The following FANCA variants were observed in gnomAD, a reference collection of about 807,000 sequenced individuals.
FANCA encodes the protein FA complementation group A.
A neutral mutation model predicts 194.3 loss-of-function variants in FANCA; 236 were observed. The observed-to-expected ratio is 1.21, with a 90% CI of 1.09 to 1.35. The LOEUF (loss-of-function observed/expected upper bound fraction) is 1.35. FANCA is among the 40% of genes most tolerant of loss of function. FANCA has a pLI of 0.00. For missense variants in FANCA, 2,628 were observed against 1,813.9 expected (o/e 1.45, Z -8.15); for synonymous variants, 1,014 against 715.8 (o/e 1.42, Z -6.65).
At chr16:89,785,973 C>T (rs964632453) in intron 14 of FANCA, among the ~76,000 whole-genome samples, 1 of 148,672 alleles carries the variant, frequency 6.7e-6, no homozygotes. Flanking sequence ...CTCCTGCCTC[C>T]CTAGTAGCTG....
At chr16:89,775,274 T>C (rs983553182) in intron 21 of FANCA, among the ~76,000 whole-genome samples, 2 of 152,114 alleles carry the variant, frequency 1.3e-5, no homozygotes, top group African/African-American at 4.8e-5. Context: ...AATGAGGGCG[T>C]AGGTCTGACC....
At chr16:89,814,724 C>T (rs2041034184) in intron 2 of FANCA, 111 bp from the exon 3 acceptor site, 1 of 767,232 alleles carries the variant, frequency 1.3e-6, no homozygotes, top group Non-Finnish European at 2.3e-6. Context: ...GGGCAGATCA[C>T]GAGGTCAAGA....
chr16:89,799,067 G>A lies in FANCA; in HGVS notation c.893+99C>T. 1.2e-6 allele frequency: 2 copies of A among 1,614,200 alleles called. No individual in the cohort carries two copies. Among genetic ancestry groups the A allele is most frequent in the East Asian group, 2.2e-5 (1 of 44,882 alleles). On this transcript the variant is annotated intron_variant, in intron 10 of 42. Transcript: ENST00000389301. The stretch of plus-strand genomic sequence containing the variant: ...GGCAGAGGAAGTGTGCTCAGGAGCG[G>A]GCTGCTGAAGCTCTGGAAGTGTTTA...
At chr16:89,759,228 G>C (rs1280459395) in intron 29 of FANCA, among the ~76,000 whole-genome samples, 1 of 147,796 alleles carries the variant, frequency 6.8e-6, no homozygotes, top group East Asian at 2.0e-4. Context: ...GCTGAGGCAG[G>C]AGAATGGTAT....
chr16:89,748,813 C>G lies in FANCA; in HGVS notation c.3240-46G>C. ...TGGTGGCGACAGCACAGCGTACACT[C>G]TGCTCCTTCCCAAGGGCTCAGACTC... is the stretch of plus-strand genomic sequence containing the variant. On this transcript the variant is annotated intron_variant, in intron 32 of 42. Coordinates refer to ENST00000389301, the MANE Select transcript of FANCA (RefSeq NM_000135.4). The G allele has an allele frequency of 2.0e-6, 3 of 1,490,838 alleles. 1 individual carries two copies. The highest frequency in any genetic ancestry group is 2.8e-6 in the Non-Finnish European group (3 of 1,078,008). 92.4% of individuals were successfully genotyped at this position (1,490,838 alleles called of 1,614,324 possible). A position where few individuals can be genotyped will look rare whatever the true frequency, so the allele number is the denominator to read the frequency against.
At chr16:89,806,418 A>C (rs2040649026) in intron 6 of FANCA, among the ~76,000 whole-genome samples, 1 of 142,000 alleles carries the variant, frequency 7.0e-6, no homozygotes, top group Non-Finnish European at 1.5e-5. Context: ...GCAGGGTCAT[A>C]GGACAATGGT....
intron 26 of FANCA, among the ~76,000 whole-genome samples, chr16:89,767,597 G>C (rs540816196): frequency 6.6e-6 from 1 of 151,976 alleles, no homozygotes; most frequent in African/African-American, 2.4e-5. Context: ...TTGCCAAGCC[G>C]GAGTAGAGTG....
chr16:89,792,564 A>G lies in FANCA; in HGVS notation c.1007-17T>C, dbSNP rs760059831. The G allele has an allele frequency of 5.0e-5, 80 of 1,611,224 alleles. No homozygotes were observed. The Admixed American group carries it at 1.3e-3, about 26-fold the overall frequency. ...CATCAGATGCTGCAGGGGGAGAAACAGACAAAAACTTCAAGTCAGAGATCA... is the reference window on the plus strand; with the variant it reads ...CATCAGATGCTGCAGGGGGAGAAACGGACAAAAACTTCAAGTCAGAGATCA... On this transcript the variant is annotated splice_polypyrimidine_tract_variant and intron_variant, in intron 11 of 42. Transcript: ENST00000389301.
At chr16:89,757,821 CTTCA>C (rs2038815106) in intron 30 of FANCA, among the ~76,000 whole-genome samples, 1 of 152,220 alleles carries the variant, frequency 6.6e-6, no homozygotes, top group Non-Finnish European at 1.5e-5. Flanking sequence ...TTGTGCCGTG[CTTCA>C]CACATGCTCA....
intron 30 of FANCA, among the ~76,000 whole-genome samples, chr16:89,753,049 G>A (rs1051346049): frequency 1.3e-5 from 2 of 152,172 alleles, no homozygotes; most frequent in Non-Finnish European, 2.9e-5. Context: ...GTTCCATCCT[G>A]TACACCTGGC....
chr16:89,746,488 A>C, intron 35 of FANCA, 96 bp downstream of exon 35: 1 of 967,330 alleles, frequency 1.0e-6, no homozygotes, highest in Non-Finnish European at 1.7e-6. Context: ...AGATGGTAAC[A>C]CCCGTGATGG....
chr16:89,765,136 C>T, intron 27 of FANCA, 70 bp from the exon 28 acceptor site: 1 of 1,552,944 alleles, frequency 6.4e-7, no homozygotes. Context: ...AGCAAATGCT[C>T]AGGTGGAAAC....
At chr16:89,808,515 C>G in intron 5 of FANCA, 148 bp from the exon 6 acceptor site, 2 of 794,196 alleles carry the variant, frequency 2.5e-6, no homozygotes. Flanking sequence ...AAACTTAGAG[C>G]CTGAAACACA....
At position 89,785,140 on chromosome 16, in the gene FANCA, C is replaced by T. The variant is rs139240667; in HGVS notation, c.1360-176G>A. On this transcript the variant is annotated intron_variant, in intron 14 of 42. Coordinates refer to ENST00000389301, the MANE Select transcript of FANCA (RefSeq NM_000135.4). ...GAAGCCCACCTAGGCAGTGTCCGGGCGGCTGCTGTAGTCGGCCTCCTAAAC... is the reference window on the plus strand; with the variant it reads ...GAAGCCCACCTAGGCAGTGTCCGGGTGGCTGCTGTAGTCGGCCTCCTAAAC... Among the ~76,000 whole-genome samples the T allele has an allele frequency of 2.1e-3, 323 of 152,216 alleles. 3 individuals carry two copies. Among genetic ancestry groups the T allele is most frequent in the African/African-American group, 7.3e-3 (302 of 41,538 alleles).
At chr16:89,778,432 C>G (rs926396339) in intron 20 of FANCA, 2 of 328,680 alleles carry the variant, frequency 6.1e-6, no homozygotes, top group African/African-American at 4.7e-5. Flanking sequence ...TGCAATTGCA[C>G]TCCAGCCTGG....
At chr16:89,770,088 C>G (rs760376957) in intron 25 of FANCA, 64 bp from the exon 26 acceptor site, 1 of 1,587,362 alleles carries the variant, frequency 6.3e-7, no homozygotes, top group South Asian at 1.1e-5. Flanking sequence ...TTCCAGGGCA[C>G]TGAAGACGAA....
At chr16:89,773,143 C>T (rs1196926900) in intron 22 of FANCA, 128 bp downstream of exon 22, 2 of 784,576 alleles carry the variant, frequency 2.5e-6, no homozygotes, top group African/African-American at 3.4e-5. Flanking sequence ...CGGGGTCAAT[C>T]TTTAAACTAC....
Position 89,799,268 on chromosome 16 carries a change from G to A in FANCA, c.827-36C>T, listed in dbSNP as rs763501940. 10 of 1,611,704 alleles carry A rather than the reference G, an allele frequency of 6.2e-6. No individual in the cohort carries two copies. In the East Asian group the frequency reaches 1.8e-4, roughly 29 times the overall value. On this transcript the variant is annotated intron_variant, in intron 9 of 42. Transcript: ENST00000389301. ...AGCCAGGAACAGAAAACAGATGTCA[G>A]CACACGGCGGCAGCCCACCAGAAAC...
In FANCA at chr16:89,807,859, G is replaced by A. The variant is rs186672146; in HGVS notation, c.596+435C>T. Among the ~76,000 whole-genome samples, 146 of 151,756 alleles carry A rather than the reference G, an allele frequency of 9.6e-4. 1 individual carries two copies. The East Asian group carries it at 0.021, about 22-fold the overall frequency. ...CATCACGTCACTGCACTCCAGCCTG[G>A]GTGACAGAACGAGACTCTGTCCCTA... On this transcript the variant is annotated intron_variant, in intron 6 of 42. Coordinates refer to ENST00000389301, the MANE Select transcript of FANCA (RefSeq NM_000135.4).
Sources: allele counts gnomAD v4.1 joint callset (sites outside exome capture counted in the v4.1 genomes callset), GRCh38; gene constraint gnomAD v4.1.1; transcripts MANE v1.5; gene names NCBI Gene and HGNC (gene_info 2026-07-23, HGNC 2026-07-21).